GPR143: variants seen among roughly 807,000 people sequenced by gnomAD.
GPR143 encodes G-protein coupled receptor 143.
A neutral mutation model predicts 27.6 loss-of-function variants in GPR143; 8 were observed. That is an observed-to-expected ratio of 0.29 (90% CI 0.17 to 0.52). GPR143 has a LOEUF of 0.52. Ranked by LOEUF, GPR143 falls within the 20% of genes least tolerant of loss-of-function variation. GPR143 has a pLI of 0.96. For missense variants in GPR143, 303 were observed against 343.1 expected, an observed-to-expected ratio of 0.88 and a Z score of 0.92; for synonymous variants, 156 against 153.2, an observed-to-expected ratio of 1.02 and a Z score of -0.13.
intron 2 of GPR143, 70 bp downstream of exon 2, chrX:9,760,647 G>T: frequency 1.7e-6 from 1 of 587,106 alleles, no homozygotes; most frequent in South Asian, 2.4e-5. Context: ...CAGACTCCCA[G>T]GGTTTGCTGC....
At chrX:9,767,000 G>T (rs2083537622), upstream of GPR143, among the ~76,000 whole-genome samples, 1 of 108,464 alleles carries the variant, frequency 9.2e-6, no homozygotes, top group African/African-American at 3.4e-5. Context: ...AAAGTACTCA[G>T]CATAAGTACA....
rs185624569 is a variant in GPR143 at position 9,777,401 on chromosome X, T to C, written c.-3+8841A>G. 1.2e-4 allele frequency among the ~76,000 whole-genome samples: 13 copies of C among 111,483 alleles called. No homozygotes were observed. The East Asian group carries it at 3.7e-3, about 32-fold the overall frequency. On this transcript the variant is annotated intron_variant, in intron 1 of 7. Coordinates refer to the GPR143 transcript ENST00000447366. ...CAGCCTGGGTGACATGGTGTGATCC[T>C]GCTGTTAGCCTGCTGGGCAGCCATG...
At chrX:9,757,066 G>T (rs746077040) in intron 3 of GPR143, among the ~76,000 whole-genome samples, 34 of 112,718 alleles carry the variant, frequency 3.0e-4, no homozygotes, top group African/African-American at 1.1e-3. Flanking sequence ...ATATTATTTA[G>T]CAATGAAAAG....
At position 9,738,289 on chromosome X, in the gene GPR143, T is replaced by C. The variant is rs375299311; in HGVS notation, c.1120+1196A>G. 3 of 201,260 alleles carry C rather than the reference T, an allele frequency of 1.5e-5. No individual in the cohort carries two copies. The East Asian group carries it at 7.4e-4, about 50-fold the overall frequency. 16.6% of individuals were successfully genotyped at this position (201,260 alleles called of 1,213,427 possible). A position where few individuals can be genotyped will look rare whatever the true frequency, so the allele number is the denominator to read the frequency against. On this transcript the variant is annotated intron_variant, in intron 8 of 8. Coordinates refer to ENST00000467482, the MANE Select transcript of GPR143 (RefSeq NM_000273.3). ...GCTCAGCCACTTTAAAACAGCAGGA[T>C]GGGAATGCAAAGCCAAATAATTCAA...
At chrX:9,743,992 A>G (rs773893271) in intron 5 of GPR143, among the ~76,000 whole-genome samples, 10 of 112,679 alleles carry the variant, frequency 8.9e-5, no homozygotes, top group Non-Finnish European at 1.9e-4. Flanking sequence ...TTATGCAACC[A>G]TGGGGATGTT....
intron 4 of GPR143, among the ~76,000 whole-genome samples, chrX:9,746,485 A>T (rs2083429011): frequency 9.0e-6 from 1 of 110,627 alleles, no homozygotes; most frequent in South Asian, 4.0e-4. Flanking sequence ...GGTCTCAAGG[A>T]AAAAACGCAA....
chrX:9,760,996 AAAAGGAAG>A (rs2083496796), intron 1 of GPR143, among the ~76,000 whole-genome samples, 170 bp from the exon 2 acceptor site: 1 of 111,288 alleles, frequency 9.0e-6, no homozygotes, highest in South Asian at 3.8e-4. Flanking sequence ...ACAAGGAGGG[AAAAGGAAG>A]AAAGGAAGAA....
At chrX:9,726,522 TATG>T (rs781047521) in intron 8 of GPR143, among the ~76,000 whole-genome samples, 30 of 112,097 alleles carry the variant, frequency 2.7e-4, no homozygotes, top group Admixed American at 2.6e-3. Flanking sequence ...TGACCCTAGA[TATG>T]ATGATAAAGT....
At chrX:9,766,899 T>TCACA (rs1456582050), upstream of GPR143, among the ~76,000 whole-genome samples, 5 of 67,142 alleles carry the variant, frequency 7.4e-5, no homozygotes, top group African/African-American at 3.1e-4. Flanking sequence ...CCTATCTCTC[T>TCACA]CTCTCACACA....
rs749827169 is a variant in GPR143 at position 9,748,590 on chromosome X, A to G, written c.532T>C (p.Tyr178His). ...CCAACTTACCTGGACACGGAAGGGT[A>G]GTAGAGCATGGCGGCTCCCTCCACA... is the stretch of plus-strand genomic sequence containing the variant. ...LCVEGAAMLYYPSVSRCERGL... is the reference protein window; with the variant it reads ...LCVEGAAMLYHPSVSRCERGL... The change falls in exon 4 of 9, where the codon TAC (tyrosine) becomes CAC (histidine). Residue 178 changes from tyrosine (Y) to histidine (H), a missense_variant. Transcript: ENST00000467482. The G allele has an allele frequency of 5.8e-6, 7 of 1,199,859 alleles. No homozygotes were observed. Among genetic ancestry groups the G allele is most frequent in the Non-Finnish European group, 5.7e-6 (5 of 884,483 alleles).
At chrX:9,777,746 T>G in intron 1 of GPR143, among the ~76,000 whole-genome samples, 1 of 109,470 alleles carries the variant, frequency 9.1e-6, no homozygotes, top group East Asian at 2.9e-4. Flanking sequence ...ATGGCCTTTT[T>G]GTAATCCATT....
At chrX:9,727,944 CT>C (rs2083335661) in intron 8 of GPR143, among the ~76,000 whole-genome samples, 2 of 112,781 alleles carry the variant, frequency 1.8e-5, no homozygotes, top group Non-Finnish European at 3.7e-5. Flanking sequence ...GCCTGTAAAG[CT>C]CTTCTGATTT....
chrX:9,771,510 T>C (rs1015982571), intron 1 of GPR143, among the ~76,000 whole-genome samples: 33 of 111,111 alleles, frequency 3.0e-4, no homozygotes, highest in Admixed American at 9.7e-5. Context: ...CCCAAGACTC[T>C]GCATTTCTTA....
chrX:9,764,750 G>C (rs1392039125), intron 1 of GPR143, among the ~76,000 whole-genome samples: 3 of 111,603 alleles, frequency 2.7e-5, no homozygotes, highest in Non-Finnish European at 5.6e-5. Context: ...TAGTCGGCCG[G>C]GCGCGGTGGC....
At chrX:9,743,764 A>T (rs1048412657) in intron 5 of GPR143, 91 bp from the exon 6 acceptor site, 8 of 592,566 alleles carry the variant, frequency 1.4e-5, no homozygotes, top group African/African-American at 8.8e-5. Flanking sequence ...TGAGCCCACA[A>T]GCAAGGCCAG....
At chrX:9,756,162 A>G (rs771427628) in intron 3 of GPR143, among the ~76,000 whole-genome samples, 5 of 112,211 alleles carry the variant, frequency 4.5e-5, no homozygotes, top group Non-Finnish European at 9.4e-5. Context: ...TTGGCTTTAA[A>G]AGTAAATTTA....
intron 1 of GPR143, among the ~76,000 whole-genome samples, chrX:9,772,390 A>G (rs780582811): frequency 1.8e-5 from 2 of 111,879 alleles, no homozygotes; most frequent in East Asian, 5.6e-4. Flanking sequence ...ACTCCATTTT[A>G]AATGCTTTCT....
At chrX:9,729,954 T>G (rs940485812) in intron 8 of GPR143, among the ~76,000 whole-genome samples, 10 of 112,504 alleles carry the variant, frequency 8.9e-5, no homozygotes, top group Non-Finnish European at 1.7e-4. Flanking sequence ...TAATACTGCA[T>G]TTTTACTGTC....
chrX:9,746,112 G>A lies in GPR143; in HGVS notation c.590C>T (p.Thr197Ile). The change falls in exon 5 of 9, where the codon ACC becomes ATC. Residue 197 changes from threonine (T) to isoleucine (I), a missense_variant. Physicochemically the swap from Thr to Ile is moderately conservative, Grantham distance 89 (BLOSUM62 -1). Coordinates refer to ENST00000467482, the MANE Select transcript of GPR143 (RefSeq NM_000273.3). ...AACCAGCAGCAGGGGCAGGTACATGGTGACATAGTGGGGGATGGCGTGGTC... is the reference window on the plus strand; with the variant it reads ...AACCAGCAGCAGGGGCAGGTACATGATGACATAGTGGGGGATGGCGTGGTC... ...GLDHAIPHYVTMYLPLLLVLV... is the reference protein window; with the variant it reads ...GLDHAIPHYVIMYLPLLLVLV... 8.3e-7 allele frequency: 1 copy of A among 1,202,104 alleles called. No individual in the cohort carries two copies.
Sources: gnomAD v4.1 joint callset for allele counts (sites outside exome capture counted in the v4.1 genomes callset) on GRCh38, gnomAD v4.1.1 for gene constraint, MANE v1.5 for transcripts, NCBI Gene and HGNC (gene_info 2026-07-23, HGNC 2026-07-21) for gene names.